Variants in METTL6 observed in about 807,000 individuals in gnomAD.
The protein encoded by METTL6 is methyltransferase 6, tRNA N3-cytidine, also known as tRNA N(3)-cytidine methyltransferase METTL6.
A neutral mutation model predicts 26.4 loss-of-function variants in METTL6; 22 were observed. The ratio of observed to expected loss-of-function variants is 0.83; its 90% CI spans 0.59 to 1.19. METTL6 has a LOEUF of 1.19. Among genes scored for constraint, METTL6 ranks in the 50% most tolerant of loss-of-function variants. METTL6 has a pLI of 0.00. For synonymous variants in METTL6, 109 were observed against 116.2 expected, an observed-to-expected ratio of 0.94 and a Z score of 0.40; for missense variants, 304 against 324.8, an observed-to-expected ratio of 0.94 and a Z score of 0.49.
At chr3:15,402,224 G>A (rs1197581761) in intron 6 of METTL6, among the ~76,000 whole-genome samples, 1 of 152,168 alleles carries the variant, frequency 6.6e-6, no homozygotes, top group Non-Finnish European at 1.5e-5. Flanking sequence ...CTGAATGAGA[G>A]ACCAGAGTTT....
chr3:15,393,399 G>A (rs1699401386), intron 6 of METTL6, among the ~76,000 whole-genome samples: 1 of 152,198 alleles, frequency 6.6e-6, no homozygotes, highest in African/African-American at 2.4e-5. Flanking sequence ...ATTTTGAGCT[G>A]AGATGATGGG....
chr3:15,388,089 T>G (rs1334227437), intron 6 of METTL6, among the ~76,000 whole-genome samples: 1 of 150,384 alleles, frequency 6.6e-6, no homozygotes. Context: ...AAATAAGAGT[T>G]TTGTTGTTGT....
intron 3 of METTL6, among the ~76,000 whole-genome samples, chr3:15,416,195 A>G (rs1194565015): frequency 1.3e-5 from 2 of 152,144 alleles, no homozygotes; most frequent in Admixed American, 1.3e-4. Context: ...CTCAAAACTG[A>G]GCATTTTAGA....
In METTL6 at chr3:15,418,756, C is replaced by T. The variant is rs73142302; in HGVS notation, c.361-2814G>A. ...TGTCTAAATCCTAGGAATAGCTGGGCGCAGTGGCTCACACCTGTAATCCCA... is the reference window on the plus strand; with the variant it reads ...TGTCTAAATCCTAGGAATAGCTGGGTGCAGTGGCTCACACCTGTAATCCCA... On this transcript the variant is annotated intron_variant, in intron 3 of 5. Transcript: ENST00000383790. Among the ~76,000 whole-genome samples, 849 of 152,166 alleles carry T rather than the reference C, an allele frequency of 5.6e-3. 7 individuals are homozygous for T. Among genetic ancestry groups the T allele is most frequent in the African/African-American group, 0.018 (760 of 41,506 alleles).
At chr3:15,424,932 G>A in intron 3 of METTL6, 23 bp downstream of exon 3, 2 of 1,613,080 alleles carry the variant, frequency 1.2e-6, no homozygotes, top group Non-Finnish European at 1.7e-6. Flanking sequence ...AAACACAGCA[G>A]AATACATAGA....
At chr3:15,406,566 G>GAA (rs547902420), downstream of METTL6, among the ~76,000 whole-genome samples, 376 of 87,014 alleles carry the variant, frequency 4.3e-3, 8 homozygotes, top group African/African-American at 0.016. Context: ...ACCCAGCCAT[G>GAA]AAAAAAAAAA....
At position 15,414,130 on chromosome 3, in the gene METTL6, A is replaced by G; in HGVS notation, c.564T>C (p.Arg188=). Residue 188 remains arginine, a synonymous_variant, in exon 5 of 6, where the codon CGT becomes CGC. Transcript: ENST00000383790. ...TGGCATGATCATACAGTCCGTAGTC[A>G]CGAAACAAGACACTTTTGCCTGGTT... ...VLKPGKSVLF[R]DYGLYDHAML... is the part of the protein sequence containing the mutation. The G allele has an allele frequency of 6.2e-7, 1 of 1,613,078 alleles. No individual in the cohort carries two copies. Among genetic ancestry groups the G allele is most frequent in the Non-Finnish European group, 8.5e-7 (1 of 1,179,752 alleles).
At chr3:15,416,943 A>C (rs1700232101) in intron 3 of METTL6, among the ~76,000 whole-genome samples, 1 of 152,242 alleles carries the variant, frequency 6.6e-6, no homozygotes, top group Non-Finnish European at 1.5e-5. Flanking sequence ...GATTTCTAGA[A>C]ACTAGACAGG....
intron 6 of METTL6, among the ~76,000 whole-genome samples, chr3:15,398,066 CT>C (rs1214410280): frequency 1.3e-5 from 2 of 152,158 alleles, no homozygotes; most frequent in Non-Finnish European, 2.9e-5. Flanking sequence ...CACCCCCACC[CT>C]TTCCCCCAAA....
intron 3 of METTL6, among the ~76,000 whole-genome samples, chr3:15,423,601 C>G (rs189265388): frequency 6.6e-6 from 1 of 151,082 alleles, no homozygotes; most frequent in Non-Finnish European, 1.5e-5. Flanking sequence ...GGTCAGCTGC[C>G]ATGGCTCACG....
intron 5 of METTL6, among the ~76,000 whole-genome samples, chr3:15,413,039 G>T (rs1700038698): frequency 1.3e-5 from 2 of 152,160 alleles, no homozygotes; most frequent in African/African-American, 4.8e-5. Context: ...GAGACCAGGA[G>T]ATTGAGACCA....
At chr3:15,397,492 CTGCACCCACTGTCT>C (rs1269874380) in intron 6 of METTL6, among the ~76,000 whole-genome samples, 1 of 152,176 alleles carries the variant, frequency 6.6e-6, no homozygotes, top group Non-Finnish European at 1.5e-5. Context: ...ACACACTGTC[CTGCACCCACTGTCT>C]GACAATCCCC....
intron 6 of METTL6, among the ~76,000 whole-genome samples, chr3:15,390,633 T>C (rs1699318762): frequency 6.6e-6 from 1 of 152,180 alleles, no homozygotes; most frequent in Non-Finnish European, 1.5e-5. Context: ...CAGTTGCTCC[T>C]CTCTGGCAGG....
Position 15,414,056 on chromosome 3 carries a change from C to G in METTL6, c.638G>C (p.Arg213Thr). The G allele has an allele frequency of 1.2e-6, 2 of 1,614,168 alleles. No individual in the cohort carries two copies. Among genetic ancestry groups the G allele is most frequent in the Non-Finnish European group, 1.7e-6 (2 of 1,180,024 alleles). Reference sequence around the variant, plus strand: ...AAAATATGATCTGGTCCCATCTTGTCTAACATAAAAGTTTTCTCCAAGTTT... The same window carrying G: ...AAAATATGATCTGGTCCCATCTTGTGTAACATAAAAGTTTTCTCCAAGTTT... Reference protein sequence around the residue: ...SSKLGENFYVRQDGTRSYFFT... With the variant: ...SSKLGENFYVTQDGTRSYFFT... Residue 213 changes from arginine (R) to threonine (T), a missense_variant, in exon 5 of 6, where the codon AGA becomes ACA. Coordinates refer to ENST00000383790, the MANE Select transcript of METTL6 (RefSeq NM_152396.4).
intron 6 of METTL6, among the ~76,000 whole-genome samples, chr3:15,399,770 C>T (rs1291449766): frequency 6.6e-6 from 1 of 152,038 alleles, no homozygotes; most frequent in Non-Finnish European, 1.5e-5. Flanking sequence ...CTCACCATGA[C>T]ATTCAGGGAC....
intron 5 of METTL6, among the ~76,000 whole-genome samples, chr3:15,413,406 T>C (rs1232887512): frequency 2.0e-5 from 3 of 152,056 alleles, no homozygotes; most frequent in Non-Finnish European, 4.4e-5. Flanking sequence ...GAAACCCCCA[T>C]TCTACCAAAA....
chr3:15,402,690 G>A (rs1575403994), intron 6 of METTL6, among the ~76,000 whole-genome samples: 2 of 149,764 alleles, frequency 1.3e-5, no homozygotes, highest in Non-Finnish European at 3.0e-5. Flanking sequence ...GCCGAGATGG[G>A]GTGCCACTGT....
chr3:15,404,088 T>C (rs1373002748), intron 6 of METTL6, among the ~76,000 whole-genome samples: 1 of 152,168 alleles, frequency 6.6e-6, no homozygotes, highest in Non-Finnish European at 1.5e-5. Flanking sequence ...TATCTCGTCC[T>C]ATGACTAAGA....
chr3:15,412,692 G>A (rs1338263292), intron 5 of METTL6, among the ~76,000 whole-genome samples: 20 of 151,678 alleles, frequency 1.3e-4, no homozygotes, highest in Middle Eastern at 3.4e-3. Flanking sequence ...AAGTTTCACG[G>A]TTGCCCAGGC....
Sources: allele counts gnomAD v4.1 joint callset (sites outside exome capture counted in the v4.1 genomes callset), GRCh38; gene constraint gnomAD v4.1.1; transcripts MANE v1.5; gene names NCBI Gene and HGNC (gene_info 2026-07-23, HGNC 2026-07-21).